The following UBE2E2 variants were observed in gnomAD, a reference collection of about 807,000 sequenced individuals.
The protein encoded by UBE2E2 is ubiquitin conjugating enzyme E2 E2, also known as ubiquitin-conjugating enzyme E2 E2.
Under a neutral mutation model 24.7 loss-of-function variants are expected in UBE2E2, and 6 were observed. The ratio of observed to expected loss-of-function variants is 0.24; its 90% CI spans 0.13 to 0.48. The LOEUF (loss-of-function observed/expected upper bound fraction) is 0.48. Ranked by LOEUF, UBE2E2 falls within the 20% of genes least tolerant of loss-of-function variation. UBE2E2 has a pLI of 0.99. For synonymous variants in UBE2E2, 104 were observed against 83.6 expected, an observed-to-expected ratio of 1.24 and a Z score of -1.33; for missense variants, 169 against 245.0, an observed-to-expected ratio of 0.69 and a Z score of 2.07.
intron 2 of UBE2E2, among the ~76,000 whole-genome samples, chr3:23,213,687 T>G (rs1237534901): frequency 6.6e-6 from 1 of 152,156 alleles, no homozygotes; most frequent in Non-Finnish European, 1.5e-5. Context: ...ATGAGGGAAG[T>G]CTTCTTGTTT....
At chr3:23,235,085 A>G (rs888239722) in intron 3 of UBE2E2, among the ~76,000 whole-genome samples, 70 of 152,238 alleles carry the variant, frequency 4.6e-4, no homozygotes, top group African/African-American at 1.5e-3. Flanking sequence ...ATTATGAACA[A>G]GATGGAAGGC....
chr3:23,203,364 G>A lies in UBE2E2; in HGVS notation c.-109G>A, dbSNP rs1696016880. 1 of 985,688 alleles carries A rather than the reference G, an allele frequency of 1.0e-6. No homozygotes were observed. The highest frequency in any genetic ancestry group is 6.2e-5 in the Admixed American group (1 of 16,252). 61.1% of individuals were successfully genotyped at this position (985,688 alleles called of 1,614,324 possible). ...CTAGACGGTCCGCAGGGGACATCCC[G>A]TCCCTGGGGCCTCCCCAGTCTCCCT... On this transcript the variant is annotated 5_prime_UTR_variant, in exon 1 of 6. Coordinates refer to ENST00000396703, the MANE Select transcript of UBE2E2 (RefSeq NM_152653.4).
intron 5 of UBE2E2, among the ~76,000 whole-genome samples, chr3:23,541,563 G>A (rs1331674829): frequency 6.6e-6 from 1 of 152,122 alleles, no homozygotes; most frequent in Non-Finnish European, 1.5e-5. Context: ...GTCTGTTCCT[G>A]GAAAAAATTA....
chr3:23,356,222 T>C (rs1197305876), intron 3 of UBE2E2, among the ~76,000 whole-genome samples: 1 of 152,196 alleles, frequency 6.6e-6, no homozygotes, highest in Admixed American at 6.5e-5. Flanking sequence ...GGGAACATTA[T>C]GGTATATACC....
At chr3:23,294,210 C>G (rs1216077336) in intron 3 of UBE2E2, among the ~76,000 whole-genome samples, 1 of 152,098 alleles carries the variant, frequency 6.6e-6, no homozygotes, top group African/African-American at 2.4e-5. Flanking sequence ...ATAACCTTGG[C>G]AGAACTTTAA....
chr3:23,401,776 G>T (rs1297798722), intron 3 of UBE2E2, among the ~76,000 whole-genome samples: 3 of 151,224 alleles, frequency 2.0e-5, no homozygotes, highest in African/African-American at 7.3e-5. Flanking sequence ...TGCCTCCTGG[G>T]TTCAAGCAGT....
intron 3 of UBE2E2, among the ~76,000 whole-genome samples, chr3:23,220,449 C>T (rs1355328350): frequency 1.3e-5 from 2 of 152,102 alleles, no homozygotes; most frequent in Non-Finnish European, 2.9e-5. Context: ...AATTTCTGCT[C>T]ATAAAATCGT....
chr3:23,486,067 C>T (rs1239255868), intron 3 of UBE2E2, among the ~76,000 whole-genome samples: 7 of 152,170 alleles, frequency 4.6e-5, no homozygotes, highest in Admixed American at 2.6e-4. Context: ...TCCACCCACT[C>T]GGCCCAGCAG....
intron 3 of UBE2E2, among the ~76,000 whole-genome samples, chr3:23,488,613 A>G (rs1182987672): frequency 1.3e-5 from 2 of 152,186 alleles, no homozygotes; most frequent in Non-Finnish European, 2.9e-5. Flanking sequence ...TTTACATTTC[A>G]CCGTGTATGA....
chr3:23,385,760 C>G (rs1207074671), intron 3 of UBE2E2, among the ~76,000 whole-genome samples: 1 of 152,208 alleles, frequency 6.6e-6, no homozygotes, highest in Non-Finnish European at 1.5e-5. Context: ...AAACCATCAG[C>G]TTCTTGTACT....
intron 5 of UBE2E2, among the ~76,000 whole-genome samples, chr3:23,587,254 A>G (rs901734053): frequency 3.9e-5 from 6 of 152,208 alleles, no homozygotes; most frequent in Non-Finnish European, 5.9e-5. Context: ...GCCTGTACTG[A>G]AATACTATTA....
intron 3 of UBE2E2, among the ~76,000 whole-genome samples, chr3:23,330,788 C>G (rs1695037261): frequency 6.6e-6 from 1 of 152,132 alleles, no homozygotes; most frequent in Non-Finnish European, 1.5e-5. Flanking sequence ...ATCCTAGGCT[C>G]AGAAAACACA....
In UBE2E2 at chr3:23,355,243, G is replaced by T. The variant is rs57807736; in HGVS notation, c.227+137931G>T. Among the ~76,000 whole-genome samples, 330 of 144,038 alleles carry T rather than the reference G, an allele frequency of 2.3e-3. 2 individuals are homozygous for T. The highest frequency in any genetic ancestry group is 8.1e-3 in the African/African-American group (312 of 38,362). The allele number at this position is 144,038 out of a possible 152,430, so 94.5% of individuals were successfully genotyped here. ...GGGGACTGGTGGGGGGTTGGGGGAG[G>T]GGGGAGGGATAGCATTAGGAGATAT... On this transcript the variant is annotated intron_variant, in intron 3 of 5. Transcript: ENST00000396703.
chr3:23,456,466 A>G (rs528607499), intron 3 of UBE2E2, among the ~76,000 whole-genome samples: 1 of 152,346 alleles, frequency 6.6e-6, no homozygotes, highest in Admixed American at 6.5e-5. Context: ...TATTTCTTCA[A>G]TAATAACACT....
intron 3 of UBE2E2, among the ~76,000 whole-genome samples, chr3:23,428,029 A>T (rs900410369): frequency 6.6e-6 from 1 of 152,214 alleles, no homozygotes; most frequent in Non-Finnish European, 1.5e-5. Flanking sequence ...AAAATTAGTG[A>T]GGACATAGTT....
At chr3:23,411,564 C>A (rs940946175) in intron 3 of UBE2E2, among the ~76,000 whole-genome samples, 1 of 152,100 alleles carries the variant, frequency 6.6e-6, no homozygotes, top group African/African-American at 2.4e-5. Flanking sequence ...GGGTTGAGGT[C>A]AAATTTATAT....
chr3:23,349,415 C>T (rs550067039), intron 3 of UBE2E2, among the ~76,000 whole-genome samples: 10 of 152,286 alleles, frequency 6.6e-5, no homozygotes, highest in South Asian at 4.1e-4. Flanking sequence ...GTGCGCGACC[C>T]GAAGCAGGGC....
Position 23,474,900 on chromosome 3 carries a change from T to G in UBE2E2, c.228-24708T>G, listed in dbSNP as rs2125437243. ...CAGACTTCTAGAAACAGAAACACATTGTCTCTCCTTTAATTTTTTTATTTC... is the reference window on the plus strand; with the variant it reads ...CAGACTTCTAGAAACAGAAACACATGGTCTCTCCTTTAATTTTTTTATTTC... On this transcript the variant is annotated intron_variant, in intron 3 of 5. Coordinates refer to ENST00000396703, the MANE Select transcript of UBE2E2 (RefSeq NM_152653.4). This position sits in a 1 kb window ranked among gnomAD's most constrained non-coding sequence, Gnocchi z 4.0. Among the ~76,000 whole-genome samples, 1 of 152,158 alleles carries G rather than the reference T, an allele frequency of 6.6e-6. No individual in the cohort carries two copies. The highest frequency in any genetic ancestry group is 1.9e-4 in the East Asian group (1 of 5,182).
At chr3:23,342,812 A>G (rs1176782605) in intron 3 of UBE2E2, among the ~76,000 whole-genome samples, 1 of 152,242 alleles carries the variant, frequency 6.6e-6, no homozygotes, top group African/African-American at 2.4e-5. Context: ...TCCTAAACCC[A>G]AGAATAAACT....
Sources: gnomAD v4.1 joint callset for allele counts (sites outside exome capture counted in the v4.1 genomes callset) on GRCh38, gnomAD v4.1.1 for gene constraint, Gnocchi (gnomAD v3.1) non-coding constraint, MANE v1.5 for transcripts, NCBI Gene and HGNC (gene_info 2026-07-23, HGNC 2026-07-21) for gene names.